Variants in DEPDC1B observed in about 807,000 individuals in gnomAD.
DEPDC1B encodes the protein DEP domain containing 1B, also known as DEP domain-containing protein 1B.
DEPDC1B carries 51 observed loss-of-function variants against 66.5 expected under a neutral mutation model. The ratio of observed to expected loss-of-function variants is 0.77; its 90% confidence interval spans 0.61 to 0.97. The LOEUF is 0.97. DEPDC1B is among the 50% of genes least tolerant of loss of function. The pLI is 0.00. For synonymous variants in DEPDC1B, 226 were observed against 223.6 expected, an observed-to-expected ratio of 1.01 and a Z score of -0.10; for missense variants, 552 against 637.1, an observed-to-expected ratio of 0.87 and a Z score of 1.44.
At chr5:60,689,661 G>A (rs1754498792) in intron 1 of DEPDC1B, among the ~76,000 whole-genome samples, 1 of 151,594 alleles carries the variant, frequency 6.6e-6, no homozygotes, top group Non-Finnish European at 1.5e-5. Context: ...TTTAATAAAT[G>A]CTTATATAAG....
intron 3 of DEPDC1B, among the ~76,000 whole-genome samples, chr5:60,646,816 T>C (rs532925892): frequency 1.3e-5 from 2 of 152,264 alleles, no homozygotes; most frequent in East Asian, 3.9e-4. Flanking sequence ...TCGGCCGCAT[T>C]AGATTCTCAT....
chr5:60,627,111 G>T (rs1442698851), intron 7 of DEPDC1B, among the ~76,000 whole-genome samples: 1 of 152,096 alleles, frequency 6.6e-6, no homozygotes, highest in Non-Finnish European at 1.5e-5. Context: ...TGTTTTCCAT[G>T]ATTCAAATTC....
chr5:60,697,379 A>C (rs957578864), intron 1 of DEPDC1B, among the ~76,000 whole-genome samples: 5 of 152,188 alleles, frequency 3.3e-5, no homozygotes, highest in Middle Eastern at 3.2e-3. Context: ...GTATCCCAAT[A>C]GATTTTTACC....
At chr5:60,681,840 T>TC (rs1387290401) in intron 2 of DEPDC1B, among the ~76,000 whole-genome samples, 1 of 151,016 alleles carries the variant, frequency 6.6e-6, no homozygotes, top group Non-Finnish European at 1.5e-5. Context: ...GGACTCAAAC[T>TC]CCCCTACTCA....
Position 60,700,161 on chromosome 5 carries a change from T to C in DEPDC1B, c.-68A>G. On this transcript the variant is annotated 5_prime_UTR_variant, in exon 1 of 11. Transcript: ENST00000265036. ...CCCGCCAGCCGGAGGAGCAGCAGTT[T>C]GAATCCCAAGCCCGCGGGCTGCGGG... 6.7e-7 allele frequency: 1 copy of C among 1,496,054 alleles called. No individual in the cohort carries two copies. Among genetic ancestry groups the C allele is most frequent in the Admixed American group, 2.2e-5 (1 of 45,664 alleles). The allele number at this position is 1,496,054 out of a possible 1,614,324, so 92.7% of individuals were successfully genotyped here. A position where few individuals can be genotyped will look rare whatever the true frequency, so the allele number is the denominator to read the frequency against.
chr5:60,691,388 C>A (rs1197297456), intron 1 of DEPDC1B, among the ~76,000 whole-genome samples: 1 of 152,132 alleles, frequency 6.6e-6, no homozygotes, highest in Non-Finnish European at 1.5e-5. Context: ...TTCTCAACCT[C>A]AAGAAATTTA....
intron 2 of DEPDC1B, among the ~76,000 whole-genome samples, chr5:60,683,259 G>A (rs1754338389): frequency 6.6e-6 from 1 of 152,060 alleles, no homozygotes; most frequent in South Asian, 2.1e-4. Context: ...GCAAAACCCT[G>A]TCTCTACAAA....
chr5:60,662,966 G>C (rs1753753636), intron 2 of DEPDC1B, among the ~76,000 whole-genome samples: 1 of 152,148 alleles, frequency 6.6e-6, no homozygotes, highest in Non-Finnish European at 1.5e-5. Flanking sequence ...TCCTAGAACA[G>C]GCAGTCACTA....
At chr5:60,600,949 G>A (rs1470812018) in intron 9 of DEPDC1B, among the ~76,000 whole-genome samples, 2 of 152,132 alleles carry the variant, frequency 1.3e-5, no homozygotes, top group African/African-American at 4.8e-5. Context: ...TGAATCACAG[G>A]GTGGTTCCCC....
chr5:60,671,795 C>T (rs1754046128), intron 2 of DEPDC1B, among the ~76,000 whole-genome samples: 1 of 152,146 alleles, frequency 6.6e-6, no homozygotes, highest in Admixed American at 6.6e-5. Context: ...TTAGTTTGTA[C>T]TTATTTATGT....
At chr5:60,662,087 A>C (rs1289950666) in intron 2 of DEPDC1B, among the ~76,000 whole-genome samples, 1 of 151,968 alleles carries the variant, frequency 6.6e-6, no homozygotes, top group African/African-American at 2.4e-5. Context: ...TCAGCTGCAG[A>C]CATTAAAAAA....
intron 7 of DEPDC1B, among the ~76,000 whole-genome samples, chr5:60,620,591 T>C (rs1436009491): frequency 1.3e-5 from 2 of 152,092 alleles, no homozygotes; most frequent in Non-Finnish European, 2.9e-5. Flanking sequence ...CACAATGAGA[T>C]ACCATCTCAC....
chr5:60,631,391 A>T (rs1178139255), intron 7 of DEPDC1B, among the ~76,000 whole-genome samples: 1 of 152,196 alleles, frequency 6.6e-6, no homozygotes, highest in Non-Finnish European at 1.5e-5. Flanking sequence ...AATGAGGAAG[A>T]TTTCTTCTCA....
At chr5:60,686,342 C>T (rs1754412453) in intron 2 of DEPDC1B, among the ~76,000 whole-genome samples, 1 of 152,176 alleles carries the variant, frequency 6.6e-6, no homozygotes, top group African/African-American at 2.4e-5. Context: ...TTGCTCTCCT[C>T]CACCTCCAGC....
chr5:60,605,983 G>A (rs1752301645), intron 7 of DEPDC1B, 127 bp from the exon 8 acceptor site: 3 of 775,032 alleles, frequency 3.9e-6, no homozygotes, highest in Admixed American at 6.6e-5. Flanking sequence ...CAACTATACT[G>A]GGTCAATTGA....
intron 2 of DEPDC1B, among the ~76,000 whole-genome samples, chr5:60,662,508 T>C (rs1030030288): frequency 6.6e-6 from 1 of 151,866 alleles, no homozygotes; most frequent in Non-Finnish European, 1.5e-5. Flanking sequence ...ACGGGACAAA[T>C]AGGATAAAAA....
At chr5:60,649,139 C>T (rs1753385739) in intron 2 of DEPDC1B, among the ~76,000 whole-genome samples, 1 of 152,136 alleles carries the variant, frequency 6.6e-6, no homozygotes, top group Non-Finnish European at 1.5e-5. Context: ...GACCTGAATT[C>T]CAGGCTTTCT....
At position 60,608,685 on chromosome 5, in the gene DEPDC1B, C is replaced by A. The variant is rs1651156980; in HGVS notation, c.899-2829G>T. On this transcript the variant is annotated intron_variant, in intron 7 of 10. Transcript: ENST00000265036. ...TTCTATAAAAGAAATTTAAAAATTT[C>A]TTTGTGAGGATGCTATTAAACAAAT... 4.0e-5 allele frequency among the ~76,000 whole-genome samples: 6 copies of A among 151,648 alleles called. No homozygotes were observed. In the South Asian group the frequency reaches 1.0e-3, roughly 26 times the overall value.
intron 9 of DEPDC1B, 56 bp from the exon 10 acceptor site, chr5:60,599,316 A>C: frequency 1.4e-6 from 2 of 1,393,630 alleles, no homozygotes; most frequent in Non-Finnish European, 1.9e-6. Context: ...ATAAATTATA[A>C]GAATTAGTTT....
Sources: gnomAD v4.1 joint callset for allele counts (sites outside exome capture counted in the v4.1 genomes callset) on GRCh38, gnomAD v4.1.1 for gene constraint, MANE v1.5 for transcripts, NCBI Gene and HGNC (gene_info 2026-07-23, HGNC 2026-07-21) for gene names.